The following PCBP3 variants were observed in gnomAD, a reference collection of about 807,000 sequenced individuals.
The protein encoded by PCBP3 is poly(rC) binding protein 3.
Under a neutral mutation model 52.7 loss-of-function variants are expected in PCBP3, and 25 were observed. That is an observed-to-expected ratio of 0.47 (90% CI 0.35 to 0.66). The LOEUF is 0.66. Ranked by LOEUF, PCBP3 falls within the 30% of genes least tolerant of loss-of-function variation. The pLI is 0.01. For missense variants in PCBP3, 391 were observed against 490.3 expected, an observed-to-expected ratio of 0.80 and a Z score of 1.91; for synonymous variants, 162 against 183.0, an observed-to-expected ratio of 0.89 and a Z score of 0.93.
Position 45,931,586 on chromosome 21 carries a change from G to A in PCBP3, c.856+741G>A, listed in dbSNP as rs146210985. ...GGTTGGGGCAGCCTCCTTTACCCCT[G>A]GTACCTGGAATGTCGTCATCTTCAT... is the stretch of plus-strand genomic sequence containing the variant. On this transcript the variant is annotated intron_variant, in intron 15 of 17. Coordinates refer to ENST00000681687, the MANE Select transcript of PCBP3 (RefSeq NM_001384156.1). Among the ~76,000 whole-genome samples the A allele has an allele frequency of 3.6e-3, 544 of 150,232 alleles. 3 individuals carry two copies. The highest frequency in any genetic ancestry group is 0.013 in the African/African-American group (530 of 39,956).
intron 1 of PCBP3, among the ~76,000 whole-genome samples, chr21:45,647,305 C>G (rs1326618442): frequency 6.6e-6 from 1 of 152,190 alleles, no homozygotes; most frequent in African/African-American, 2.4e-5. Flanking sequence ...CCCTGATTCC[C>G]TACTGTTTGC....
At chr21:45,938,909 C>T (rs965702608) in intron 16 of PCBP3, among the ~76,000 whole-genome samples, 9 of 152,352 alleles carry the variant, frequency 5.9e-5, no homozygotes, top group Admixed American at 5.9e-4. Context: ...AGCTGCTGCT[C>T]ACCCCACAGA....
chr21:45,863,486 G>A lies in PCBP3; in HGVS notation c.10+13391G>A, dbSNP rs539641718. Among the ~76,000 whole-genome samples the A allele has an allele frequency of 1.6e-3, 243 of 152,356 alleles. 1 individual carries two copies. Among genetic ancestry groups the A allele is most frequent in the Non-Finnish European group, 2.7e-3 (184 of 68,036 alleles). On this transcript the variant is annotated intron_variant, in intron 5 of 17. Coordinates refer to ENST00000681687, the MANE Select transcript of PCBP3 (RefSeq NM_001384156.1). ...GTTGAGTCGCCCCTGTTGGGGGAAG[G>A]GGGTATTGAAATGACAGCGCATGAG...
intron 1 of PCBP3, among the ~76,000 whole-genome samples, chr21:45,652,905 A>G (rs1340716240): frequency 6.6e-6 from 1 of 151,908 alleles, no homozygotes; most frequent in African/African-American, 2.4e-5. Context: ...GTTTAAAGTG[A>G]TATATTTTCT....
In PCBP3 at chr21:45,853,374, G is replaced by C. The variant is rs1183448185; in HGVS notation, c.10+3279G>C. Among the ~76,000 whole-genome samples, 3 of 152,222 alleles carry C rather than the reference G, an allele frequency of 2.0e-5. No individual in the cohort carries two copies. Among genetic ancestry groups the C allele is most frequent in the Non-Finnish European group, 4.4e-5 (3 of 68,040 alleles). ...TGGCGTTACTGGTGGAGGGTGTCCAGGTTCTTGGCGTTTTGAAAAAATAAT... is the reference window on the plus strand; with the variant it reads ...TGGCGTTACTGGTGGAGGGTGTCCACGTTCTTGGCGTTTTGAAAAAATAAT... On this transcript the variant is annotated intron_variant, in intron 5 of 17. Transcript: ENST00000681687. The surrounding 1 kb of genome is among the most constrained non-coding windows in gnomAD (Gnocchi z 4.6).
chr21:45,895,638 C>T lies in PCBP3; in HGVS notation c.11-570C>T, dbSNP rs7278917. On this transcript the variant is annotated intron_variant, in intron 5 of 17. Transcript: ENST00000681687. ...CGATGACTGCAGACAGCACTGTGTG[C>T]TTGGAAGGCACTTGCCGAGAACTGC... 2.5e-3 allele frequency among the ~76,000 whole-genome samples: 376 copies of T among 152,364 alleles called. 1 individual carries two copies. Among genetic ancestry groups the T allele is most frequent in the African/African-American group, 8.8e-3 (366 of 41,586 alleles).
At chr21:45,762,690 G>T (rs2088830194) in intron 4 of PCBP3, 1 of 151,854 alleles carries the variant, frequency 6.6e-6, no homozygotes, top group Non-Finnish European at 1.5e-5. Flanking sequence ...GGGTTTCTCA[G>T]TGTTGGCCCG....
chr21:45,710,546 A>G, intron 2 of PCBP3, among the ~76,000 whole-genome samples: 1 of 152,194 alleles, frequency 6.6e-6, no homozygotes, highest in Non-Finnish European at 1.5e-5. Context: ...TTCTTAATCC[A>G]GTCTATCATT....
chr21:45,821,714 T>C lies in PCBP3; in HGVS notation c.-125-28247T>C, dbSNP rs372981891. ...CCTGTCTCTGCTCCCTTCCCTGCTCTTGTCACTTCTTGCTGGTGCTCTGTG... is the reference window on the plus strand; with the variant it reads ...CCTGTCTCTGCTCCCTTCCCTGCTCCTGTCACTTCTTGCTGGTGCTCTGTG... On this transcript the variant is annotated intron_variant, in intron 4 of 17. Coordinates refer to ENST00000681687, the MANE Select transcript of PCBP3 (RefSeq NM_001384156.1). This position sits in a 1 kb window ranked among gnomAD's most constrained non-coding sequence, Gnocchi z 4.4. 6.6e-6 allele frequency among the ~76,000 whole-genome samples: 1 copy of C among 152,130 alleles called. No homozygotes were observed. Among genetic ancestry groups the C allele is most frequent in the African/African-American group, 2.4e-5 (1 of 41,436 alleles).
chr21:45,697,986 G>T (rs900685346), intron 2 of PCBP3, among the ~76,000 whole-genome samples: 31 of 151,784 alleles, frequency 2.0e-4, no homozygotes, highest in African/African-American at 7.0e-4. Flanking sequence ...TCCCCATCTG[G>T]CCCATCCACC....
At chr21:45,900,650 C>T (rs575246631) in intron 8 of PCBP3, 27 bp downstream of exon 8, 18 of 1,468,028 alleles carry the variant, frequency 1.2e-5, no homozygotes, top group Admixed American at 8.4e-5. Flanking sequence ...CCCACCTGTC[C>T]GCAGCCATTC....
intron 4 of PCBP3, among the ~76,000 whole-genome samples, chr21:45,832,385 C>T (rs920470906): frequency 6.6e-6 from 1 of 152,180 alleles, no homozygotes; most frequent in Non-Finnish European, 1.5e-5. Context: ...CCTCCTATCT[C>T]ATCCCAAGAC....
At chr21:45,786,926 C>T (rs560773089) in intron 4 of PCBP3, among the ~76,000 whole-genome samples, 17 of 152,304 alleles carry the variant, frequency 1.1e-4, no homozygotes, top group South Asian at 2.1e-4. Context: ...CATGAGAGTC[C>T]GTGGGTCCCC....
At chr21:45,814,967 G>A (rs1603441839) in intron 4 of PCBP3, among the ~76,000 whole-genome samples, 1 of 119,340 alleles carries the variant, frequency 8.4e-6, no homozygotes, top group African/African-American at 3.2e-5. Context: ...GTGGTGAGTG[G>A]TGAGTGATGA....
intron 16 of PCBP3, among the ~76,000 whole-genome samples, chr21:45,939,640 C>T (rs932382378): frequency 6.6e-6 from 1 of 152,248 alleles, no homozygotes; most frequent in Non-Finnish European, 1.5e-5. Flanking sequence ...GTGCAGACAC[C>T]GCTGGGCCAT....
At position 45,876,980 on chromosome 21, in the gene PCBP3, G is replaced by T. The variant is rs182323345; in HGVS notation, c.11-19228G>T. Reference sequence around the variant, plus strand: ...AGTGGCACACAGGAGAGAGCTCAAGGCGCCTGCTGCCAGCCGCACTCACAG... The same window carrying T: ...AGTGGCACACAGGAGAGAGCTCAAGTCGCCTGCTGCCAGCCGCACTCACAG... On this transcript the variant is annotated intron_variant, in intron 5 of 17. Transcript: ENST00000681687. 1.2e-3 allele frequency among the ~76,000 whole-genome samples: 186 copies of T among 152,362 alleles called. 1 individual carries two copies. The highest frequency in any genetic ancestry group is 3.4e-3 in the Middle Eastern group (1 of 294).
intron 5 of PCBP3, among the ~76,000 whole-genome samples, chr21:45,885,286 G>GGAGGGA (rs1471109752): frequency 5.3e-5 from 8 of 151,998 alleles, no homozygotes; most frequent in Non-Finnish European, 1.2e-4. Context: ...TGTAGCATGG[G>GGAGGGA]GTCATGTCCC....
At chr21:45,815,217 T>G (rs1317418915) in intron 4 of PCBP3, among the ~76,000 whole-genome samples, 11 of 48,672 alleles carry the variant, frequency 2.3e-4, no homozygotes, top group South Asian at 1.2e-3. Context: ...GATGAGTGAG[T>G]GGTGAGTGAT....
chr21:45,766,779 G>A (rs774683358), intron 4 of PCBP3, among the ~76,000 whole-genome samples: 13 of 152,310 alleles, frequency 8.5e-5, no homozygotes, highest in Admixed American at 1.3e-4. Context: ...CCAGGACTCT[G>A]CCTATCCTGA....
Sources: allele counts gnomAD v4.1 joint callset (sites outside exome capture counted in the v4.1 genomes callset), GRCh38; gene constraint gnomAD v4.1.1; non-coding constraint Gnocchi (gnomAD v3.1); transcripts MANE v1.5; gene names NCBI Gene and HGNC (gene_info 2026-07-23, HGNC 2026-07-21).